Variants in LRBA observed in about 807,000 individuals in gnomAD.
LRBA encodes the protein lipopolysaccharide-responsive and beige-like anchor protein.
LRBA carries 176 observed loss-of-function variants against 330.0 expected under a neutral mutation model. The ratio of observed to expected loss-of-function variants is 0.53; its 90% CI spans 0.47 to 0.60. The LOEUF (loss-of-function observed/expected upper bound fraction) is 0.60. Ranked by LOEUF, LRBA falls within the 20% of genes least tolerant of loss-of-function variation. LRBA has a pLI of 0.00. For missense variants in LRBA, 3,259 were observed against 3,444.8 expected (o/e 0.95, Z 1.35); for synonymous variants, 1,230 against 1,193.0 (o/e 1.03, Z -0.64).
intron 37 of LRBA, among the ~76,000 whole-genome samples, chr4:150,633,194 T>A (rs573886775): frequency 1.1e-4 from 16 of 152,318 alleles, no homozygotes; most frequent in African/African-American, 3.6e-4. Context: ...ACATTTAACA[T>A]CTCTGTACTT....
intron 48 of LRBA, among the ~76,000 whole-genome samples, chr4:150,331,767 A>G (rs950810953): frequency 6.6e-6 from 1 of 152,184 alleles, no homozygotes; most frequent in Non-Finnish European, 1.5e-5. Flanking sequence ...CTTAAGTTGC[A>G]AATTTGATTA....
intron 32 of LRBA, 29 bp from the exon 33 acceptor site, chr4:150,806,433 C>T (rs777632521): frequency 6.1e-5 from 93 of 1,514,470 alleles, no homozygotes; most frequent in Non-Finnish European, 7.8e-5. Flanking sequence ...GTTACTTGAA[C>T]TATTCAACAG....
intron 31 of LRBA, among the ~76,000 whole-genome samples, chr4:150,809,886 ATACGATACG>A (rs1560850043): frequency 2.0e-5 from 3 of 148,274 alleles, no homozygotes; most frequent in African/African-American, 5.1e-5. Flanking sequence ...ATACGATACG[ATACGATACG>A]ATACGATACG....
intron 37 of LRBA, among the ~76,000 whole-genome samples, chr4:150,641,881 G>A (rs1778712700): frequency 6.6e-6 from 1 of 152,006 alleles, no homozygotes; most frequent in Non-Finnish European, 1.5e-5. Context: ...AGTGAAGCAT[G>A]AGGCTATTAC....
intron 53 of LRBA, among the ~76,000 whole-genome samples, chr4:150,302,327 T>C (rs933737863): frequency 1.3e-5 from 2 of 152,240 alleles, no homozygotes; most frequent in Non-Finnish European, 2.9e-5. Flanking sequence ...TCTTTTATGC[T>C]GTATCTTCAT....
intron 47 of LRBA, among the ~76,000 whole-genome samples, chr4:150,405,833 T>C (rs1746120969): frequency 6.6e-6 from 1 of 152,078 alleles, no homozygotes; most frequent in Non-Finnish European, 1.5e-5. Context: ...GATAAGAGGA[T>C]TGCTTGAGGT....
intron 40 of LRBA, among the ~76,000 whole-genome samples, chr4:150,491,393 C>G (rs1758918672): frequency 6.6e-6 from 1 of 151,956 alleles, no homozygotes; most frequent in Admixed American, 6.6e-5. Flanking sequence ...AAAAAGCCCT[C>G]AAAAGAATGT....
chr4:150,744,314 G>T (rs1732408430), intron 35 of LRBA, among the ~76,000 whole-genome samples: 1 of 152,114 alleles, frequency 6.6e-6, no homozygotes, highest in African/African-American at 2.4e-5. Context: ...GAATTGATTA[G>T]TCAATGGCAC....
At chr4:150,507,024 T>C (rs945072977) in intron 40 of LRBA, among the ~76,000 whole-genome samples, 2 of 151,498 alleles carry the variant, frequency 1.3e-5, no homozygotes, top group Non-Finnish European at 2.9e-5. Context: ...TTACAAGGGA[T>C]GTGAAGGACC....
chr4:150,905,017 C>T (rs374435603), intron 13 of LRBA, among the ~76,000 whole-genome samples: 39 of 152,064 alleles, frequency 2.6e-4, no homozygotes, highest in African/African-American at 3.6e-4. Flanking sequence ...GTAGATAAGA[C>T]GGATACAATT....
intron 37 of LRBA, among the ~76,000 whole-genome samples, chr4:150,656,621 A>G (rs1246127391): frequency 2.0e-5 from 3 of 152,224 alleles, no homozygotes; most frequent in African/African-American, 7.2e-5. Flanking sequence ...TTCCTAAGAC[A>G]TTTACTATGA....
At chr4:151,014,369 A>T (rs1745195008) in intron 2 of LRBA, 58 bp downstream of exon 2, 1 of 1,420,690 alleles carries the variant, frequency 7.0e-7, no homozygotes, top group African/African-American at 1.4e-5. Flanking sequence ...CAGCTTTAAG[A>T]TCTTGTTCCC....
chr4:150,298,180 A>C (rs575286363), intron 53 of LRBA, among the ~76,000 whole-genome samples: 1 of 152,256 alleles, frequency 6.6e-6, no homozygotes, highest in Non-Finnish European at 1.5e-5. Context: ...ACTAGGCTTC[A>C]CAATAAAAAG....
intron 40 of LRBA, among the ~76,000 whole-genome samples, chr4:150,512,847 T>A (rs1045356136): frequency 2.0e-5 from 3 of 151,976 alleles, no homozygotes; most frequent in Non-Finnish European, 4.4e-5. Flanking sequence ...AAATATGCAA[T>A]GTAGATTTGC....
chr4:150,831,999 T>C (rs747475164), intron 28 of LRBA, 23 bp from the exon 29 acceptor site: 17 of 1,438,760 alleles, frequency 1.2e-5, no homozygotes, highest in Middle Eastern at 1.8e-4. Flanking sequence ...ATTAAAGGAG[T>C]TGATTATGTA....
chr4:150,952,497 A>AT (rs1183273836), intron 2 of LRBA, among the ~76,000 whole-genome samples: 1 of 152,130 alleles, frequency 6.6e-6, no homozygotes, highest in Non-Finnish European at 1.5e-5. Flanking sequence ...GCTTTAAACA[A>AT]TAAAAAAAAG....
At position 150,921,306 on chromosome 4, in the gene LRBA, T is replaced by A. The variant is rs762190443; in HGVS notation, c.550-13A>T. ...CAGCATGTGGAGGCTATGAAGATAA[T>A]TAACAATTCATTAACCACATTATTT... On this transcript the variant is annotated splice_polypyrimidine_tract_variant and intron_variant, in intron 4 of 56. Transcript: ENST00000651943. 1 of 1,507,170 alleles carries A rather than the reference T, an allele frequency of 6.6e-7. No homozygotes were observed. The allele number at this position is 1,507,170 out of a possible 1,614,324, so 93.4% of individuals were successfully genotyped here.
intron 2 of LRBA, among the ~76,000 whole-genome samples, chr4:151,000,425 T>G (rs533360273): frequency 1.3e-5 from 2 of 152,204 alleles, no homozygotes; most frequent in Non-Finnish European, 2.9e-5. Flanking sequence ...AAAAGTGCTT[T>G]ACAATGTCTC....
chr4:150,721,196 T>C, intron 36 of LRBA: 1 of 507,796 alleles, frequency 2.0e-6, no homozygotes, highest in Non-Finnish European at 3.7e-6. Flanking sequence ...CTGTGGAGCC[T>C]CTCCAAACAA....
Sources: gnomAD v4.1 joint callset for allele counts (sites outside exome capture counted in the v4.1 genomes callset) on GRCh38, gnomAD v4.1.1 for gene constraint, MANE v1.5 for transcripts, NCBI Gene and HGNC (gene_info 2026-07-23, HGNC 2026-07-21) for gene names.